The following LDAH variants were observed in gnomAD, a reference collection of about 807,000 sequenced individuals.
LDAH encodes the protein lipid droplet-associated hydrolase.
Under a neutral mutation model 29.6 loss-of-function variants are expected in LDAH, and 26 were observed. That is an observed-to-expected ratio of 0.88 (90% CI 0.64 to 1.22). The LOEUF (loss-of-function observed/expected upper bound fraction) is 1.22, where lower values mean the gene tolerates loss of function less well. LDAH is among the 50% of genes most tolerant of loss of function. The pLI is 0.00. For missense variants in LDAH, 344 were observed against 387.3 expected (o/e 0.89, Z 0.94); for synonymous variants, 117 against 133.0 (o/e 0.88, Z 0.83).
At chr2:20,775,318 G>C (rs527644938) in intron 3 of LDAH, among the ~76,000 whole-genome samples, 8 of 152,274 alleles carry the variant, frequency 5.3e-5, no homozygotes, top group African/African-American at 1.9e-4. Flanking sequence ...GTGTATTACT[G>C]TTAGCTTAGG....
intron 4 of LDAH, among the ~76,000 whole-genome samples, chr2:20,742,172 T>G (rs756311404): frequency 3.9e-5 from 6 of 152,244 alleles, no homozygotes; most frequent in Non-Finnish European, 5.9e-5. Context: ...AGGCATTATA[T>G]AATTTCTATT....
At chr2:20,767,898 G>A (rs1669149369) in intron 4 of LDAH, among the ~76,000 whole-genome samples, 1 of 152,100 alleles carries the variant, frequency 6.6e-6, no homozygotes, top group Non-Finnish European at 1.5e-5. Flanking sequence ...ACAAAGGGAT[G>A]ACTTGCCTGC....
At chr2:20,683,110 C>T (rs1042813387), downstream of LDAH, among the ~76,000 whole-genome samples, 2 of 152,200 alleles carry the variant, frequency 1.3e-5, no homozygotes, top group Non-Finnish European at 2.9e-5. Context: ...GACCCTCGTT[C>T]GTGCTCTGAG....
At chr2:20,785,355 A>C (rs1317211499) in intron 3 of LDAH, among the ~76,000 whole-genome samples, 2 of 152,192 alleles carry the variant, frequency 1.3e-5, no homozygotes, top group Non-Finnish European at 2.9e-5. Context: ...TTCATTCGAC[A>C]CTAAATATTT....
At chr2:20,731,200 C>T (rs1258852073) in intron 5 of LDAH, among the ~76,000 whole-genome samples, 1 of 152,088 alleles carries the variant, frequency 6.6e-6, no homozygotes, top group East Asian at 1.9e-4. Flanking sequence ...CAATGTAATC[C>T]CCAATGTTGG....
intron 1 of LDAH, among the ~76,000 whole-genome samples, chr2:20,810,525 T>C (rs1259826936): frequency 1.3e-5 from 2 of 152,238 alleles, no homozygotes; most frequent in East Asian, 1.9e-4. Context: ...CAAAGTCATA[T>C]TGTAAAAAGA....
At position 20,721,370 on chromosome 2, in the gene LDAH, T is replaced by C. The variant is rs560223115; in HGVS notation, c.703+18601A>G. On this transcript the variant is annotated intron_variant, in intron 5 of 6. Transcript: ENST00000237822. ...GACATACAAATGGCCAACAAGTACA[T>C]AAAAAATGCTCAGCATCACTATCAG... is the stretch of plus-strand genomic sequence containing the variant. Among the ~76,000 whole-genome samples, 3 of 152,008 alleles carry C rather than the reference T, an allele frequency of 2.0e-5. No individual in the cohort carries two copies. The South Asian group carries it at 6.2e-4, about 32-fold the overall frequency.
At chr2:20,784,698 G>A (rs1670427602) in intron 3 of LDAH, among the ~76,000 whole-genome samples, 1 of 151,960 alleles carries the variant, frequency 6.6e-6, no homozygotes, top group Admixed American at 6.6e-5. Flanking sequence ...ACCAGCCTGG[G>A]CAATATGGTG....
chr2:20,798,350 A>T (rs1558489170), intron 2 of LDAH, among the ~76,000 whole-genome samples: 1 of 152,162 alleles, frequency 6.6e-6, no homozygotes, highest in Non-Finnish European at 1.5e-5. Context: ...CTGGAGCCAA[A>T]GGACAGAGCA....
intron 5 of LDAH, among the ~76,000 whole-genome samples, chr2:20,701,971 A>T (rs1046676717): frequency 6.6e-5 from 10 of 152,194 alleles, no homozygotes; most frequent in Non-Finnish European, 1.3e-4. Flanking sequence ...TGCTATTTCG[A>T]TTTAAGGCTT....
intron 1 of LDAH, among the ~76,000 whole-genome samples, chr2:20,819,979 CAGAG>C (rs1673139167): frequency 2.6e-5 from 4 of 151,886 alleles, no homozygotes; most frequent in South Asian, 4.2e-4. Flanking sequence ...AACAGACAAA[CAGAG>C]AGCCAAATCA....
Position 20,685,007 on chromosome 2 carries a change from A to G in LDAH, c.*1896T>C, listed in dbSNP as rs914097917. The G allele has an allele frequency of 4.0e-6, 6 of 1,518,886 alleles. No homozygotes were observed. The African/African-American group carries it at 8.3e-5, about 21-fold the overall frequency. The allele number at this position is 1,518,886 out of a possible 1,614,324, so 94.1% of individuals were successfully genotyped here. ...AGTCTAACTCAGGAGAACTGCTCAA[A>G]TTGTACCCTCTCTTGCCCAACACAG... On this transcript the variant is annotated 3_prime_UTR_variant, in exon 7 of 7. Coordinates refer to ENST00000237822, the MANE Select transcript of LDAH (RefSeq NM_021925.4).
Position 20,723,819 on chromosome 2 carries a change from G to A in LDAH, c.703+16152C>T, listed in dbSNP as rs543891358. Among the ~76,000 whole-genome samples the A allele has an allele frequency of 2.6e-5, 4 of 152,278 alleles. No homozygotes were observed. In the South Asian group the frequency reaches 8.3e-4, roughly 32 times the overall value. On this transcript the variant is annotated intron_variant, in intron 5 of 6. Coordinates refer to ENST00000237822, the MANE Select transcript of LDAH (RefSeq NM_021925.4). ...AACTCAGAATTTCAAGCACTACAGT[G>A]AAGGAAATGTCTAGTAGCAGTAGTA... is the stretch of plus-strand genomic sequence containing the variant.
chr2:20,733,298 A>G (rs1666537634), intron 5 of LDAH, among the ~76,000 whole-genome samples: 1 of 151,192 alleles, frequency 6.6e-6, no homozygotes, highest in South Asian at 2.1e-4. Flanking sequence ...TGGCATGATC[A>G]TGGCTTACCG....
chr2:20,737,955 A>T (rs1254395441), intron 5 of LDAH, among the ~76,000 whole-genome samples: 1 of 152,128 alleles, frequency 6.6e-6, no homozygotes, highest in Non-Finnish European at 1.5e-5. Context: ...CTTTTAAGAT[A>T]AAAATATCGA....
At chr2:20,797,554 T>C (rs1004388421) in intron 2 of LDAH, among the ~76,000 whole-genome samples, 3 of 152,124 alleles carry the variant, frequency 2.0e-5, no homozygotes, top group East Asian at 3.8e-4. Context: ...GAAAGTCTTA[T>C]GTCCTAGAAA....
At chr2:20,721,513 A>G (rs1002129108) in intron 5 of LDAH, among the ~76,000 whole-genome samples, 2 of 151,908 alleles carry the variant, frequency 1.3e-5, no homozygotes, top group Non-Finnish European at 2.9e-5. Context: ...ACCAAATACC[A>G]CCTGTTCCCC....
chr2:20,775,102 G>T, intron 3 of LDAH, 123 bp from the exon 4 acceptor site: 1 of 797,548 alleles, frequency 1.3e-6, no homozygotes, highest in Non-Finnish European at 2.0e-6. Flanking sequence ...CAGTGTGCCA[G>T]TGATAATATT....
chr2:20,790,196 T>A lies in LDAH; in HGVS notation c.298+59A>T. 3 of 1,566,246 alleles carry A rather than the reference T, an allele frequency of 1.9e-6. No individual in the cohort carries two copies. In the South Asian group the frequency reaches 3.5e-5, roughly 18 times the overall value. On this transcript the variant is annotated intron_variant, in intron 3 of 6. Coordinates refer to ENST00000237822, the MANE Select transcript of LDAH (RefSeq NM_021925.4). Reference sequence around the variant, plus strand: ...GTGTAACTCTTAACCTTAGCAAGCTTGCTAGAAACATGACCCTGCACTCAC... The same window carrying A: ...GTGTAACTCTTAACCTTAGCAAGCTAGCTAGAAACATGACCCTGCACTCAC...
Sources: allele counts gnomAD v4.1 joint callset (sites outside exome capture counted in the v4.1 genomes callset), GRCh38; gene constraint gnomAD v4.1.1; transcripts MANE v1.5; gene names NCBI Gene and HGNC (gene_info 2026-07-23, HGNC 2026-07-21).